The following DNAI3 variants were observed in gnomAD, a reference collection of about 807,000 sequenced individuals.
The protein encoded by DNAI3 is WD repeat domain 63.
In DNAI3, 83 loss-of-function variants were observed where a neutral mutation model predicts 115.5. The ratio of observed to expected loss-of-function variants is 0.72; its 90% CI spans 0.60 to 0.86. The LOEUF (loss-of-function observed/expected upper bound fraction) is 0.86, where lower values mean the gene tolerates loss of function less well. Among genes scored for constraint, DNAI3 ranks in the 40% least tolerant of loss-of-function variants. The pLI, the probability that DNAI3 is intolerant of heterozygous loss-of-function variation, is 0.00. For synonymous variants in DNAI3, 320 were observed against 347.0 expected, an observed-to-expected ratio of 0.92 and a Z score of 0.86; for missense variants, 1,004 against 1,075.8, an observed-to-expected ratio of 0.93 and a Z score of 0.93.
At chr1:85,085,792 A>T in intron 6 of DNAI3, 39 bp from the exon 7 acceptor site, 1 of 771,008 alleles carries the variant, frequency 1.3e-6, no homozygotes, top group African/African-American at 2.7e-5. Context: ...CACATCAGGG[A>T]CTTCATTATG....
chr1:85,106,119 A>G (rs1209816241), intron 14 of DNAI3, among the ~76,000 whole-genome samples: 1 of 152,164 alleles, frequency 6.6e-6, no homozygotes, highest in African/African-American at 2.4e-5. Context: ...CAGCCTGGGT[A>G]CTTCTTGTCT....
intron 17 of DNAI3, among the ~76,000 whole-genome samples, chr1:85,118,460 CTTTATCTACAG>C (rs1655897865): frequency 6.6e-6 from 1 of 152,142 alleles, no homozygotes; most frequent in African/African-American, 2.4e-5. Context: ...AGGCTCAGAA[CTTTATCTACAG>C]TCATACAGAG....
chr1:85,131,136 C>G (rs1311366364), intron 22 of DNAI3, among the ~76,000 whole-genome samples: 1 of 152,110 alleles, frequency 6.6e-6, no homozygotes, highest in Non-Finnish European at 1.5e-5. Context: ...TCACATGAGG[C>G]CTTCAGTCTC....
intron 1 of DNAI3, among the ~76,000 whole-genome samples, chr1:85,064,296 A>G (rs1285634747): frequency 6.6e-6 from 1 of 152,160 alleles, no homozygotes; most frequent in Non-Finnish European, 1.5e-5. Flanking sequence ...TTTGGAAGGG[A>G]GAAGTAATAG....
intron 8 of DNAI3, among the ~76,000 whole-genome samples, chr1:85,091,293 A>C (rs76785747): frequency 0.014 from 2,195 of 152,340 alleles, 25 homozygotes; most frequent in South Asian, 0.062. Context: ...GGAATAAAAA[A>C]ATGTTCAAAA....
At chr1:85,114,015 C>T (rs1191655012) in intron 16 of DNAI3, among the ~76,000 whole-genome samples, 16 of 117,636 alleles carry the variant, frequency 1.4e-4, no homozygotes, top group African/African-American at 1.6e-4. Flanking sequence ...CAATTTGTAT[C>T]TTTTTTTTTT....
chr1:85,094,527 G>T lies in DNAI3; in HGVS notation c.1145G>T (p.Trp382Leu). The T allele has an allele frequency of 6.2e-7, 1 of 1,614,078 alleles. No homozygotes were observed. The highest frequency in any genetic ancestry group is 1.6e-4 in the Middle Eastern group (1 of 6,062). Residue 382 changes from tryptophan to leucine, a missense_variant, in exon 10 of 23, where the codon TGG becomes TTG. This residue lies in a region of DNAI3 where 550 missense variants were observed against 568.1 expected (regional missense o/e 0.97). Transcript: ENST00000294664. The stretch of plus-strand genomic sequence containing the variant: ...CTGCAGCCATCACTGATTCTTTTCT[G>T]GAGCTTCTCTGATCCTATACATCCT... The part of the protein sequence containing the change: ...LLLQPSLILF[W>L]SFSDPIHPQL...
At chr1:85,077,502 A>T (rs989659609) in intron 3 of DNAI3, among the ~76,000 whole-genome samples, 1 of 152,206 alleles carries the variant, frequency 6.6e-6, no homozygotes, top group East Asian at 1.9e-4. Flanking sequence ...CTTTTATGGA[A>T]TACTTGCCAG....
chr1:85,065,987 C>T (rs936257384), intron 1 of DNAI3, among the ~76,000 whole-genome samples: 1 of 152,182 alleles, frequency 6.6e-6, no homozygotes, highest in African/African-American at 2.4e-5. Context: ...AGGTTTTGAT[C>T]TGTTATGCAG....
chr1:85,128,629 A>T (rs1289058074), intron 20 of DNAI3, 79 bp from the exon 21 acceptor site: 3 of 1,254,494 alleles, frequency 2.4e-6, no homozygotes, highest in Non-Finnish European at 3.4e-6. Context: ...CACAAAACAA[A>T]AACATACTTC....
chr1:85,080,847 G>A (rs1654615354), intron 3 of DNAI3, among the ~76,000 whole-genome samples: 1 of 152,154 alleles, frequency 6.6e-6, no homozygotes, highest in Admixed American at 6.5e-5. Context: ...TTATGCTATA[G>A]AATTCAATTC....
chr1:85,104,720 A>AAATGAAAG, intron 14 of DNAI3, 123 bp downstream of exon 14: 1 of 765,480 alleles, frequency 1.3e-6, no homozygotes, highest in East Asian at 2.8e-5. Context: ...TAATATAACT[A>AAATGAAAG]AATGAAAGAA....
Position 85,083,535 on chromosome 1 carries a change from C to A in DNAI3, c.391-1011C>A, listed in dbSNP as rs570605512. ...AAGCTAACAGTTTATAATTAAAAAT[C>A]ATCTTTCATTTAGCCTTAACATTTT... On this transcript the variant is annotated intron_variant, in intron 5 of 22. Coordinates refer to ENST00000294664, the MANE Select transcript of DNAI3 (RefSeq NM_145172.5). 9.2e-5 allele frequency among the ~76,000 whole-genome samples: 14 copies of A among 151,958 alleles called. No individual in the cohort carries two copies. In the South Asian group the frequency reaches 2.9e-3, roughly 32 times the overall value.
chr1:85,130,900 C>T (rs996452414), intron 22 of DNAI3, among the ~76,000 whole-genome samples: 5 of 152,110 alleles, frequency 3.3e-5, no homozygotes, highest in South Asian at 4.1e-4. Flanking sequence ...CTGTTTGATA[C>T]GAATTCTGTG....
At chr1:85,087,434 C>CA (rs1162431713) in intron 7 of DNAI3, among the ~76,000 whole-genome samples, 20,183 of 46,832 alleles carry the variant, frequency 0.43, 4,474 homozygotes, top group South Asian at 0.5. Flanking sequence ...GACTCCATCT[C>CA]AAAAAAAAAA....
In DNAI3 at chr1:85,084,250, G is replaced by GTATATATATATA. The variant is rs33956396; in HGVS notation, c.391-279_391-268dup. ...ATGTGTATATATATATCAGCAGTGT[G>GTATATATATATA]TATATATATATATATATATATATAT... On this transcript the variant is annotated intron_variant, in intron 5 of 22. Transcript: ENST00000294664. Among the ~76,000 whole-genome samples, 394 of 84,970 alleles carry GTATATATATATA rather than the reference G, an allele frequency of 4.6e-3. 2 individuals are homozygous for GTATATATATATA. The highest frequency in any genetic ancestry group is 6.7e-3 in the Non-Finnish European group (262 of 38,824). 55.7% of individuals were successfully genotyped at this position (84,970 alleles called of 152,430 possible).
At chr1:85,106,972 G>T (rs1655507351) in intron 14 of DNAI3, among the ~76,000 whole-genome samples, 1 of 152,176 alleles carries the variant, frequency 6.6e-6, no homozygotes. Context: ...GAATTGAGGG[G>T]TGATTTCTTA....
intron 7 of DNAI3, among the ~76,000 whole-genome samples, chr1:85,089,103 T>C (rs1471181): frequency 1.3e-5 from 2 of 152,092 alleles, no homozygotes; most frequent in African/African-American, 4.8e-5. Flanking sequence ...ACACAAATAC[T>C]ACATAATATT....
intron 2 of DNAI3, among the ~76,000 whole-genome samples, chr1:85,072,445 C>T (rs1654303263): frequency 6.6e-6 from 1 of 151,272 alleles, no homozygotes; most frequent in African/African-American, 2.4e-5. Flanking sequence ...AGTTCGAGAC[C>T]AGCCTGACCA....
Sources: gnomAD v4.1 joint callset for allele counts (sites outside exome capture counted in the v4.1 genomes callset) on GRCh38, gnomAD v4.1.1 for gene constraint, gnomAD v4.1.1 regional missense constraint, MANE v1.5 for transcripts, NCBI Gene and HGNC (gene_info 2026-07-23, HGNC 2026-07-21) for gene names.